CD44: variants seen among roughly 807,000 people sequenced by gnomAD.
CD44 encodes CD44 molecule (IN blood group), also known as CD44 antigen.
In CD44, 49 loss-of-function variants were observed where a neutral mutation model predicts 88.8. The observed-to-expected ratio is 0.55, with a 90% CI of 0.44 to 0.70. The LOEUF is 0.70. Among genes scored for constraint, CD44 ranks in the 30% least tolerant of loss-of-function variants. The pLI, the probability that CD44 is intolerant of heterozygous loss-of-function variation, is 0.00. For synonymous variants in CD44, 325 were observed against 312.3 expected (o/e 1.04, Z -0.43); for missense variants, 883 against 913.8 (o/e 0.97, Z 0.43).
intron 3 of CD44, among the ~76,000 whole-genome samples, chr11:35,180,790 C>T (rs1944912203): frequency 6.6e-6 from 1 of 152,186 alleles, no homozygotes; most frequent in South Asian, 2.1e-4. Flanking sequence ...TGTTGGACCA[C>T]ATTCAAAGTC....
chr11:35,201,421 G>A (rs571459279), intron 8 of CD44, among the ~76,000 whole-genome samples: 1 of 152,234 alleles, frequency 6.6e-6, no homozygotes, highest in Admixed American at 6.5e-5. Flanking sequence ...GAATATGTTT[G>A]AATGGTTTGT....
intron 5 of CD44, among the ~76,000 whole-genome samples, chr11:35,191,434 C>T (rs1946261945): frequency 6.6e-6 from 1 of 152,150 alleles, no homozygotes. Flanking sequence ...GAGTTTGCAT[C>T]GGCTTATTGT....
chr11:35,168,221 A>G (rs1405060352), intron 1 of CD44, among the ~76,000 whole-genome samples: 3 of 152,208 alleles, frequency 2.0e-5, no homozygotes, highest in Non-Finnish European at 4.4e-5. Context: ...TTATTAAAAA[A>G]TCACATGAAG....
chr11:35,156,310 C>A lies in CD44; in HGVS notation c.67+16940C>A, dbSNP rs185206569. ...ATCCAACATCATGGGAGGAAGTCTTCAGGATTTTGTTTCCCATTCCTTTTT... is the reference window on the plus strand; with the variant it reads ...ATCCAACATCATGGGAGGAAGTCTTAAGGATTTTGTTTCCCATTCCTTTTT... On this transcript the variant is annotated intron_variant, in intron 1 of 17. Transcript: ENST00000428726. 6.0e-4 allele frequency among the ~76,000 whole-genome samples: 92 copies of A among 152,276 alleles called. 2 individuals are homozygous for A. The highest frequency in any genetic ancestry group is 3.7e-3 in the Admixed American group (56 of 15,282).
rs77431797 is a variant in CD44 at position 35,144,421 on chromosome 11, T to A, written c.67+5051T>A. The stretch of plus-strand genomic sequence containing the variant: ...TGGGGTTTGCACAGCAAGAAACCGA[T>A]GACTCAATTTCCTTTGTGTCCCTGC... On this transcript the variant is annotated intron_variant, in intron 1 of 17. Transcript: ENST00000428726. Among the ~76,000 whole-genome samples, 1,314 of 152,342 alleles carry A rather than the reference T, an allele frequency of 8.6e-3. 29 individuals carry two copies. Among genetic ancestry groups the A allele is most frequent in the African/African-American group, 0.029 (1,216 of 41,570 alleles).
chr11:35,180,349 G>A lies in CD44; in HGVS notation c.309G>A (p.Gly103=), dbSNP rs752119783. 24 of 1,613,920 alleles carry A rather than the reference G, an allele frequency of 1.5e-5. 1 individual carries two copies. The East Asian group carries it at 4.2e-4, about 28-fold the overall frequency. ...CCATCTGTGCAGCAAACAACACAGG[G>A]GTGTACATCCTCACATCCAACACCT... is the stretch of plus-strand genomic sequence containing the variant. The part of the protein sequence containing the change: ...PNSICAANNT[G]VYILTSNTSQ... Residue 103 remains glycine (G), a synonymous_variant, in exon 3 of 18, where the codon GGG becomes GGA. Transcript: ENST00000428726.
chr11:35,227,030 C>T (rs577194849), intron 17 of CD44, among the ~76,000 whole-genome samples: 7 of 151,724 alleles, frequency 4.6e-5, no homozygotes, highest in Non-Finnish European at 1.0e-4. Context: ...GATTCAGCCA[C>T]GCACCACCAT....
chr11:35,201,634 TAAC>T (rs778588884), intron 8 of CD44, 34 bp from the exon 9 acceptor site: 2 of 1,611,186 alleles, frequency 1.2e-6, no homozygotes, highest in Non-Finnish European at 8.5e-7. Context: ...GATTGGTTGA[TAAC>T]AAGTCACAGT....
Position 35,211,236 on chromosome 11 carries a change from C to G in CD44, c.1607-10C>G. 2 of 1,609,848 alleles carry G rather than the reference C, an allele frequency of 1.2e-6. No homozygotes were observed. The highest frequency in any genetic ancestry group is 8.5e-7 in the Non-Finnish European group (1 of 1,176,256). ...AATACGGGTTCATCACTGATTCCAC[C>G]TCCACACAGATAGGAATGATGTCAC... On this transcript the variant is annotated splice_polypyrimidine_tract_variant and intron_variant, in intron 13 of 17. Coordinates refer to ENST00000428726, the MANE Select transcript of CD44 (RefSeq NM_000610.4).
At position 35,201,706 on chromosome 11, in the gene CD44, A is replaced by C; in HGVS notation, c.1072A>C (p.Asn358His). 6.2e-7 allele frequency: 1 copy of C among 1,613,816 alleles called. No homozygotes were observed. Among genetic ancestry groups the C allele is most frequent in the South Asian group, 1.1e-5 (1 of 91,084 alleles). Residue 358 changes from asparagine (N) to histidine (H), a missense_variant, in exon 9 of 18, where the codon AAC (asparagine) becomes CAC (histidine). Asn to His is a moderately conservative substitution (Grantham distance 68). This residue lies in a region of CD44 where 631 missense variants were observed against 590.9 expected (regional missense o/e 1.07). Coordinates refer to ENST00000428726, the MANE Select transcript of CD44 (RefSeq NM_000610.4). ...AAATGGCACCACTGCTTATGAAGGA[A>C]ACTGGAACCCAGAAGCACACCCTCC... ...DRNGTTAYEG[N>H]WNPEAHPPLI...
rs1071695 is a variant in CD44 at position 35,180,295 on chromosome 11, C to T, written c.255C>T (p.His85=). The change falls in exon 3 of 18, where the codon CAC becomes CAT. Residue 85 remains histidine, a synonymous_variant. Coordinates refer to ENST00000428726, the MANE Select transcript of CD44 (RefSeq NM_000610.4). ...ACAGGTATGGGTTCATAGAAGGGCA[C>T]GTGGTGATTCCCCGGATCCACCCCA... is the stretch of plus-strand genomic sequence containing the variant. ...ETCRYGFIEG[H]VVIPRIHPNS... 0.16 allele frequency: 260,782 copies of T among 1,613,426 alleles called. 22,209 individuals are homozygous for T. The highest frequency in any genetic ancestry group is 0.28 in the Middle Eastern group (1,673 of 6,060).
chr11:35,181,882 A>T (rs1945079136), intron 3 of CD44, among the ~76,000 whole-genome samples: 2 of 62,610 alleles, frequency 3.2e-5, no homozygotes, highest in African/African-American at 9.2e-5. Context: ...TATTATATAT[A>T]ATTCTATATA....
chr11:35,175,984 C>T (rs1944415679), intron 1 of CD44, among the ~76,000 whole-genome samples: 1 of 149,970 alleles, frequency 6.7e-6, no homozygotes, highest in African/African-American at 2.5e-5. Context: ...TCTGCCTCAG[C>T]CTCCCAAGTA....
intron 4 of CD44, among the ~76,000 whole-genome samples, chr11:35,187,730 C>T (rs565315713): frequency 6.6e-6 from 1 of 152,190 alleles, no homozygotes; most frequent in South Asian, 2.1e-4. Context: ...CCCTAATTAG[C>T]AATTTTCTGT....
At chr11:35,182,003 A>ATTTATT (rs1945179343) in intron 3 of CD44, among the ~76,000 whole-genome samples, 1 of 115,092 alleles carries the variant, frequency 8.7e-6, no homozygotes, top group African/African-American at 3.4e-5. Flanking sequence ...TTATATTTAT[A>ATTTATT]TATATGTATA....
At chr11:35,152,780 C>T (rs1860593084) in intron 1 of CD44, among the ~76,000 whole-genome samples, 1 of 152,196 alleles carries the variant, frequency 6.6e-6, no homozygotes, top group Non-Finnish European at 1.5e-5. Flanking sequence ...GGTTGTGCCA[C>T]TTCCTAAGGC....
intron 1 of CD44, chr11:35,139,703 A>G (rs1382755327): frequency 1.1e-5 from 6 of 560,514 alleles, no homozygotes; most frequent in Non-Finnish European, 2.0e-5. Context: ...TGTCTGGACT[A>G]ACAGGCTCCT....
At chr11:35,175,258 T>C (rs1161338706) in intron 1 of CD44, among the ~76,000 whole-genome samples, 1 of 152,210 alleles carries the variant, frequency 6.6e-6, no homozygotes, top group Non-Finnish European at 1.5e-5. Context: ...AGCCAGATTA[T>C]GTTGGTTTTA....
intron 10 of CD44, 32 bp from the exon 11 acceptor site, chr11:35,206,080 C>G (rs1396756037): frequency 5.7e-6 from 9 of 1,580,996 alleles, no homozygotes; most frequent in Non-Finnish European, 6.9e-6. Context: ...TCCATTAACA[C>G]TTTGACAATT....
Sources: gnomAD v4.1 joint callset for allele counts (sites outside exome capture counted in the v4.1 genomes callset) on GRCh38, gnomAD v4.1.1 for gene constraint, gnomAD v4.1.1 regional missense constraint, MANE v1.5 for transcripts, NCBI Gene and HGNC (gene_info 2026-07-23, HGNC 2026-07-21) for gene names.